The following PDE8B variants were observed in gnomAD, a reference collection of about 807,000 sequenced individuals.
PDE8B encodes the protein phosphodiesterase 8B, also known as high affinity cAMP-specific and IBMX-insensitive 3',5'-cyclic phosphodiesterase 8B.
A neutral mutation model predicts 101.3 loss-of-function variants in PDE8B; 26 were observed. The observed-to-expected ratio is 0.26, with a 90% confidence interval of 0.19 to 0.36. PDE8B has a LOEUF of 0.36. PDE8B is among the 10% of genes least tolerant of loss of function. PDE8B has a pLI of 1.00. For missense variants in PDE8B, 810 were observed against 1,163.1 expected (o/e 0.70, Z 4.42); for synonymous variants, 424 against 429.3 (o/e 0.99, Z 0.15).
the PDE8B span, among the ~76,000 whole-genome samples, chr5:77,118,161 G>T: frequency 1.3e-5 from 2 of 152,064 alleles, no homozygotes; most frequent in African/African-American, 2.4e-5. Context: ...TGGCCAGGCT[G>T]GTCTCAAACT....
At position 77,291,109 on chromosome 5, in the gene PDE8B, C is replaced by T. The variant is rs923703031; in HGVS notation, c.340-20885C>T. 111 of 1,610,794 alleles carry T rather than the reference C, an allele frequency of 6.9e-5. No homozygotes were observed. In the Admixed American group the frequency reaches 1.8e-3, roughly 26 times the overall value. Reference sequence around the variant, plus strand: ...AGTACCATTATTGCCTTTGAAGATGCAGACCTCAGCTTAGTTGTTCCATCA... The same window carrying T: ...AGTACCATTATTGCCTTTGAAGATGTAGACCTCAGCTTAGTTGTTCCATCA... On this transcript the variant is annotated intron_variant, in intron 1 of 21. Coordinates refer to ENST00000264917, the MANE Select transcript of PDE8B (RefSeq NM_003719.5).
At chr5:77,185,509 T>C in the PDE8B span, among the ~76,000 whole-genome samples, 6 of 152,160 alleles carry the variant, frequency 3.9e-5, no homozygotes, top group African/African-American at 1.4e-4. Flanking sequence ...CTTTAAAGAC[T>C]CTATCTCCAA....
intron 1 of PDE8B, among the ~76,000 whole-genome samples, chr5:77,310,082 T>C (rs1473166243): frequency 1.3e-5 from 2 of 150,618 alleles, no homozygotes; most frequent in African/African-American, 4.9e-5. Context: ...CCCAAGCAGC[T>C]GGGATTACAG....
intron 2 of PDE8B, among the ~76,000 whole-genome samples, chr5:77,314,813 G>A (rs1199833572): frequency 6.6e-6 from 1 of 152,010 alleles, no homozygotes; most frequent in Non-Finnish European, 1.5e-5. Context: ...AGCAATATGA[G>A]ATTTCTGGTT....
At chr5:77,198,959 T>A in the PDE8B span, among the ~76,000 whole-genome samples, 1 of 152,322 alleles carries the variant, frequency 6.6e-6, no homozygotes, top group East Asian at 1.9e-4. Flanking sequence ...CCCATAGTGA[T>A]CCCTATGTCT....
the PDE8B span, among the ~76,000 whole-genome samples, chr5:77,166,231 A>AAAG: frequency 1.2e-3 from 185 of 150,758 alleles, 2 homozygotes; most frequent in African/African-American, 4.1e-3. Flanking sequence ...AAAGATAAAA[A>AAAG]AAAAAAAAAA....
chr5:77,157,852 C>T, the PDE8B span, among the ~76,000 whole-genome samples: 2 of 152,224 alleles, frequency 1.3e-5, no homozygotes, highest in Non-Finnish European at 2.9e-5. Flanking sequence ...GGTCCTCCCA[C>T]GGGTGCTCTG....
chr5:77,397,955 A>C (rs1436774934), intron 10 of PDE8B, among the ~76,000 whole-genome samples: 3 of 151,562 alleles, frequency 2.0e-5, no homozygotes, highest in Admixed American at 6.6e-5. Flanking sequence ...AACACAATAC[A>C]AAAGAGTGCA....
intron 10 of PDE8B, among the ~76,000 whole-genome samples, chr5:77,382,412 A>C (rs6883526): frequency 0.01 from 1,588 of 152,312 alleles, 37 homozygotes; most frequent in African/African-American, 0.036. Flanking sequence ...CATCTTAGGC[A>C]TAGCCTTCCG....
At chr5:77,164,853 A>C in the PDE8B span, among the ~76,000 whole-genome samples, 13 of 152,186 alleles carry the variant, frequency 8.5e-5, no homozygotes, top group Admixed American at 2.6e-4. Context: ...CTGGGAAGGC[A>C]CAGGCAGAGC....
chr5:77,281,622 A>T (rs1232603606), intron 1 of PDE8B, among the ~76,000 whole-genome samples: 1 of 152,100 alleles, frequency 6.6e-6, no homozygotes, highest in African/African-American at 2.4e-5. Context: ...CCTCCCTCTT[A>T]TGAGAACACT....
chr5:77,236,156 A>G (rs1261974690), intron 1 of PDE8B, among the ~76,000 whole-genome samples: 1 of 152,250 alleles, frequency 6.6e-6, no homozygotes, highest in African/African-American at 2.4e-5. Context: ...TACCCCAGAC[A>G]GTGGGAGGTC....
At chr5:77,334,293 T>C (rs1777697645) in intron 5 of PDE8B, among the ~76,000 whole-genome samples, 2 of 152,152 alleles carry the variant, frequency 1.3e-5, no homozygotes, top group Admixed American at 1.3e-4. Flanking sequence ...AGGAACAAAT[T>C]GTGCCATCAC....
chr5:77,163,352 G>T, the PDE8B span, among the ~76,000 whole-genome samples: 2 of 152,146 alleles, frequency 1.3e-5, no homozygotes, highest in Non-Finnish European at 2.9e-5. Context: ...CTTACATGTG[G>T]TGTTCACATA....
At chr5:77,159,564 A>G in the PDE8B span, among the ~76,000 whole-genome samples, 1 of 152,178 alleles carries the variant, frequency 6.6e-6, no homozygotes, top group African/African-American at 2.4e-5. Flanking sequence ...CATGTAAGTT[A>G]ATATGTAATC....
At chr5:77,412,856 C>G (rs1313054141) in intron 16 of PDE8B, among the ~76,000 whole-genome samples, 1 of 152,054 alleles carries the variant, frequency 6.6e-6, no homozygotes, top group Non-Finnish European at 1.5e-5. Context: ...GTTGTCAGAG[C>G]CACTGAGGGG....
intron 3 of PDE8B, among the ~76,000 whole-genome samples, chr5:77,328,301 A>G (rs761796542): frequency 6.6e-6 from 1 of 151,292 alleles, no homozygotes; most frequent in Non-Finnish European, 1.5e-5. Context: ...ATGGACCTCA[A>G]AATTCTATGT....
intron 10 of PDE8B, among the ~76,000 whole-genome samples, chr5:77,357,929 A>G (rs1782401599): frequency 6.6e-6 from 1 of 152,204 alleles, no homozygotes; most frequent in Non-Finnish European, 1.5e-5. Flanking sequence ...TGCTGCCTGC[A>G]ACCCTTGGTG....
At chr5:77,257,631 G>A (rs1446046366) in intron 1 of PDE8B, among the ~76,000 whole-genome samples, 1 of 152,068 alleles carries the variant, frequency 6.6e-6, no homozygotes, top group Non-Finnish European at 1.5e-5. Context: ...TATAGCCAGA[G>A]TTCTCAACAC....
Sources: gnomAD v4.1 joint callset for allele counts (sites outside exome capture counted in the v4.1 genomes callset) on GRCh38, gnomAD v4.1.1 for gene constraint, MANE v1.5 for transcripts, NCBI Gene and HGNC (gene_info 2026-07-23, HGNC 2026-07-21) for gene names.